The following KIF16B variants were observed in gnomAD, a reference collection of about 807,000 sequenced individuals.
The protein encoded by KIF16B is kinesin family member 16B.
Under a neutral mutation model 156.3 loss-of-function variants are expected in KIF16B, and 98 were observed. The observed-to-expected ratio is 0.63, with a 90% CI of 0.53 to 0.74. KIF16B has a LOEUF of 0.74. KIF16B is among the 30% of genes least tolerant of loss of function. The probability of loss-of-function intolerance (pLI) is 0.00; values close to 1 mark genes in which losing one functional copy is unlikely to be tolerated. For missense variants in KIF16B, 1,421 were observed against 1,606.5 expected, an observed-to-expected ratio of 0.88 and a Z score of 1.97; for synonymous variants, 564 against 583.7, an observed-to-expected ratio of 0.97 and a Z score of 0.49.
chr20:16,280,298 C>T (rs944812472), intron 25 of KIF16B, among the ~76,000 whole-genome samples: 4 of 152,222 alleles, frequency 2.6e-5, no homozygotes, highest in Admixed American at 6.5e-5. Context: ...TGGCTTCCCC[C>T]CTCTCTTACA....
chr20:16,440,531 GCGCACACA>G lies in KIF16B; in HGVS notation c.1303-10557_1303-10550del, dbSNP rs1484434890. On this transcript the variant is annotated intron_variant, in intron 12 of 25. Coordinates refer to ENST00000354981, the MANE Select transcript of KIF16B (RefSeq NM_024704.5). Reference sequence around the variant, plus strand: ...ACCTATGGTTAAAACACACAAGCGCGCGCACACACACACACACACACACACACACACAC... The same window carrying G: ...ACCTATGGTTAAAACACACAAGCGCGCACACACACACACACACACACACAC... Among the ~76,000 whole-genome samples, 250 of 79,500 alleles carry G rather than the reference GCGCACACA, an allele frequency of 3.1e-3. 1 individual carries two copies. The highest frequency in any genetic ancestry group is 8.7e-3 in the African/African-American group (180 of 20,586). The allele number at this position is 79,500 out of a possible 152,430, so 52.2% of individuals were successfully genotyped here.
At chr20:16,279,545 C>T (rs1055887734) in intron 25 of KIF16B, among the ~76,000 whole-genome samples, 1 of 152,180 alleles carries the variant, frequency 6.6e-6, no homozygotes, top group Admixed American at 6.5e-5. Context: ...GGTCAGGAAT[C>T]AGAAGAAACC....
intron 12 of KIF16B, among the ~76,000 whole-genome samples, chr20:16,473,656 A>G (rs2067726283): frequency 6.6e-6 from 1 of 152,198 alleles, no homozygotes; most frequent in Non-Finnish European, 1.5e-5. Flanking sequence ...TAAGTAAGGA[A>G]TGCAGTGTGT....
In KIF16B at chr20:16,505,650, TTTAAAC is replaced by T. The variant is rs1325462835; in HGVS notation, c.1000+66_1000+71del. On this transcript the variant is annotated intron_variant, in intron 9 of 25. Coordinates refer to ENST00000354981, the MANE Select transcript of KIF16B (RefSeq NM_024704.5). ...AAGGTGCTATTTCCTAATAAGACACTTTAAACTTAAATATTTACAGTTAATTCACAG... is the reference window on the plus strand; with the variant it reads ...AAGGTGCTATTTCCTAATAAGACACTTTAAATATTTACAGTTAATTCACAG... 1.3e-5 allele frequency: 18 copies of T among 1,417,602 alleles called. No homozygotes were observed. In the Admixed American group the frequency reaches 2.6e-4, roughly 20 times the overall value. The allele number at this position is 1,417,602 out of a possible 1,614,324, so 87.8% of individuals were successfully genotyped here. A position where few individuals can be genotyped will look rare whatever the true frequency, so the allele number is the denominator to read the frequency against.
chr20:16,399,620 C>A (rs1028361452), intron 17 of KIF16B, among the ~76,000 whole-genome samples: 7 of 152,204 alleles, frequency 4.6e-5, no homozygotes, highest in African/African-American at 1.7e-4. Context: ...CCGAGCTTTT[C>A]CCATGGGGTG....
chr20:16,544,515 G>A (rs1385131169), intron 1 of KIF16B, among the ~76,000 whole-genome samples: 2 of 148,102 alleles, frequency 1.4e-5, no homozygotes, highest in South Asian at 2.2e-4. Context: ...GCTGAGACAG[G>A]AGAGTCGCTT....
chr20:16,356,578 T>C (rs1275594135), intron 22 of KIF16B, 126 bp from the exon 23 acceptor site: 5 of 1,002,292 alleles, frequency 5.0e-6, no homozygotes, highest in Non-Finnish European at 7.2e-6. Flanking sequence ...ACCAGTAGGG[T>C]TTATTTAGAA....
intron 11 of KIF16B, among the ~76,000 whole-genome samples, chr20:16,497,127 A>G (rs2068474245): frequency 6.6e-6 from 1 of 152,146 alleles, no homozygotes; most frequent in Non-Finnish European, 1.5e-5. Context: ...CTCTTTGGTT[A>G]CTCACTGCCA....
At chr20:16,496,776 G>T (rs940379795) in intron 11 of KIF16B, among the ~76,000 whole-genome samples, 1 of 151,972 alleles carries the variant, frequency 6.6e-6, no homozygotes, top group Non-Finnish European at 1.5e-5. Flanking sequence ...AAAAAATAGG[G>T]ATTAAGAAAT....
At chr20:16,550,985 G>T (rs1379834858) in intron 1 of KIF16B, among the ~76,000 whole-genome samples, 1 of 152,182 alleles carries the variant, frequency 6.6e-6, no homozygotes, top group Non-Finnish European at 1.5e-5. Context: ...GAATGAAAAT[G>T]CTGGCTGATG....
intron 25 of KIF16B, among the ~76,000 whole-genome samples, chr20:16,277,048 C>A (rs76508065): frequency 5.3e-5 from 8 of 152,146 alleles, no homozygotes; most frequent in Non-Finnish European, 7.3e-5. Context: ...CAAGGGCAAT[C>A]GCTATTCTGA....
At chr20:16,308,823 T>C (rs2063577414) in intron 25 of KIF16B, among the ~76,000 whole-genome samples, 1 of 152,260 alleles carries the variant, frequency 6.6e-6, no homozygotes, top group Non-Finnish European at 1.5e-5. Context: ...GCTATCTCAC[T>C]GAAAATACAT....
intron 25 of KIF16B, among the ~76,000 whole-genome samples, chr20:16,284,462 T>C (rs1336757194): frequency 6.6e-6 from 1 of 152,182 alleles, no homozygotes; most frequent in African/African-American, 2.4e-5. Context: ...CGGATTGCAA[T>C]CCTCTCTCTT....
chr20:16,381,030 A>G (rs920861719), intron 18 of KIF16B, among the ~76,000 whole-genome samples: 1 of 152,210 alleles, frequency 6.6e-6, no homozygotes, highest in Non-Finnish European at 1.5e-5. Flanking sequence ...CAGATTTTCT[A>G]TAGCCTTAGT....
chr20:16,551,871 A>G (rs551520831), intron 1 of KIF16B, among the ~76,000 whole-genome samples: 1 of 152,152 alleles, frequency 6.6e-6, no homozygotes, highest in African/African-American at 2.4e-5. Context: ...AGGGCAAAGG[A>G]AGGCTCAAGT....
intron 15 of KIF16B, among the ~76,000 whole-genome samples, chr20:16,416,711 G>A (rs1276082637): frequency 1.3e-5 from 2 of 148,770 alleles, no homozygotes; most frequent in African/African-American, 5.1e-5. Context: ...TCCTGCATAT[G>A]TACCCCAGAA....
At chr20:16,554,547 T>C (rs1647493304) in intron 1 of KIF16B, among the ~76,000 whole-genome samples, 1 of 152,212 alleles carries the variant, frequency 6.6e-6, no homozygotes, top group Non-Finnish European at 1.5e-5. Context: ...CTTTCCCATG[T>C]ACCTTATTCT....
At position 16,485,834 on chromosome 20, in the gene KIF16B, C is replaced by T. The variant is rs550490852; in HGVS notation, c.1302+8457G>A. Among the ~76,000 whole-genome samples, 11 of 152,168 alleles carry T rather than the reference C, an allele frequency of 7.2e-5. No individual in the cohort carries two copies. In the South Asian group the frequency reaches 8.3e-4, roughly 11 times the overall value. On this transcript the variant is annotated intron_variant, in intron 12 of 25. Transcript: ENST00000354981. ...TTAAGTGTATGTGTGCAGACATGCACGTGTATATAAGCATGTCTCCACACA... is the reference window on the plus strand; with the variant it reads ...TTAAGTGTATGTGTGCAGACATGCATGTGTATATAAGCATGTCTCCACACA...
chr20:16,369,459 C>A (rs2064763081), intron 22 of KIF16B, among the ~76,000 whole-genome samples: 1 of 78,234 alleles, frequency 1.3e-5, no homozygotes, highest in Admixed American at 1.2e-4. Context: ...CATCAATTTT[C>A]CATATTATAT....
Sources: allele counts gnomAD v4.1 joint callset (sites outside exome capture counted in the v4.1 genomes callset), GRCh38; gene constraint gnomAD v4.1.1; transcripts MANE v1.5; gene names NCBI Gene and HGNC (gene_info 2026-07-23, HGNC 2026-07-21).